Variants in UBA2 observed in about 807,000 individuals in gnomAD.
UBA2 encodes the protein SUMO-activating enzyme subunit 2.
A neutral mutation model predicts 77.2 loss-of-function variants in UBA2; 11 were observed. The ratio of observed to expected loss-of-function variants is 0.14; its 90% CI spans 0.09 to 0.24. The LOEUF is 0.24. Among genes scored for constraint, UBA2 ranks in the 10% least tolerant of loss-of-function variants. The probability of loss-of-function intolerance (pLI) is 1.00; values close to 1 mark genes in which losing one functional copy is unlikely to be tolerated. For missense variants in UBA2, 487 were observed against 781.7 expected, an observed-to-expected ratio of 0.62 and a Z score of 4.50; for synonymous variants, 278 against 276.7, an observed-to-expected ratio of 1.00 and a Z score of -0.05.
At chr19:34,434,806 C>T in intron 4 of UBA2, 62 bp from the exon 5 acceptor site, 1 of 1,278,864 alleles carries the variant, frequency 7.8e-7, no homozygotes. Context: ...TCTGTGTCAT[C>T]CTAATTAAAG....
In UBA2 at chr19:34,468,992, A is replaced by C. The variant is rs200936936; in HGVS notation, c.1742-48A>C. The C allele has an allele frequency of 4.4e-5, 67 of 1,508,342 alleles. No homozygotes were observed. In the East Asian group the frequency reaches 1.4e-3, roughly 31 times the overall value. 93.4% of individuals were successfully genotyped at this position (1,508,342 alleles called of 1,614,324 possible). A position where few individuals can be genotyped will look rare whatever the true frequency, so the allele number is the denominator to read the frequency against. On this transcript the variant is annotated intron_variant, in intron 16 of 16. Coordinates refer to ENST00000246548, the MANE Select transcript of UBA2 (RefSeq NM_005499.3). ...TAGAAAATACAGGTGAGCACAGGTAACTCCCACGCTTTTACCCATTTTCTT... is the reference window on the plus strand; with the variant it reads ...TAGAAAATACAGGTGAGCACAGGTACCTCCCACGCTTTTACCCATTTTCTT...
chr19:34,430,094 C>T (rs8103093), intron 1 of UBA2: 64,227 of 151,994 alleles, frequency 0.42, 16,486 homozygotes, highest in Non-Finnish European at 0.57. Flanking sequence ...TTCTTGTAGC[C>T]ACCAGGGTCT....
intron 12 of UBA2, among the ~76,000 whole-genome samples, chr19:34,456,106 C>CT (rs869130576): frequency 2.7e-5 from 2 of 73,628 alleles, no homozygotes; most frequent in East Asian, 3.2e-4. Flanking sequence ...TTTTCTTTTT[C>CT]TTTTTTTTTT....
At chr19:34,429,723 C>T (rs544380903) in intron 1 of UBA2, among the ~76,000 whole-genome samples, 5 of 152,052 alleles carry the variant, frequency 3.3e-5, no homozygotes, top group Admixed American at 6.5e-5. Context: ...GTGGTCCCAG[C>T]TACCCGGGAG....
chr19:34,429,575 C>CT (rs779298946), intron 1 of UBA2, among the ~76,000 whole-genome samples: 2 of 152,096 alleles, frequency 1.3e-5, no homozygotes, highest in Non-Finnish European at 2.9e-5. Flanking sequence ...TGGATGAAGG[C>CT]TTGAATTAAG....
At chr19:34,465,181 T>A (rs1221951397) in intron 15 of UBA2, among the ~76,000 whole-genome samples, 1 of 152,162 alleles carries the variant, frequency 6.6e-6, no homozygotes, top group Admixed American at 6.5e-5. Context: ...GTGCCTGACT[T>A]GAGATTTATG....
intron 8 of UBA2, 114 bp from the exon 9 acceptor site, chr19:34,450,149 ATG>A (rs2075476642): frequency 1.5e-6 from 1 of 676,022 alleles, no homozygotes; most frequent in Non-Finnish European, 2.5e-6. Context: ...CTGCTGGTAT[ATG>A]ACATGTATCT....
At chr19:34,453,517 C>CT (rs560242991) in intron 10 of UBA2, among the ~76,000 whole-genome samples, 7,737 of 127,274 alleles carry the variant, frequency 0.061, 271 homozygotes, top group Admixed American at 0.11. Context: ...AATGAAACAG[C>CT]TTTTTTTTTT....
chr19:34,435,080 A>G (rs1371393449), intron 5 of UBA2, 112 bp downstream of exon 5: 67 of 771,430 alleles, frequency 8.7e-5, no homozygotes, highest in Non-Finnish European at 1.7e-5. Flanking sequence ...TCCAAAATGT[A>G]AGGACTTTTA....
In UBA2 at chr19:34,444,493, T is replaced by C. The variant is rs543365931; in HGVS notation, c.650-507T>C. On this transcript the variant is annotated intron_variant, in intron 7 of 16. Transcript: ENST00000246548. ...GACTGGTCTGTGCTTTGAACTGTTATATGTGTAGCTTTCAGAAACTAAGTT... is the reference window on the plus strand; with the variant it reads ...GACTGGTCTGTGCTTTGAACTGTTACATGTGTAGCTTTCAGAAACTAAGTT... 5.6e-4 allele frequency among the ~76,000 whole-genome samples: 85 copies of C among 152,308 alleles called. 1 individual carries two copies. Among genetic ancestry groups the C allele is most frequent in the Middle Eastern group, 3.4e-3 (1 of 294 alleles).
At chr19:34,434,780 G>A in intron 4 of UBA2, 88 bp from the exon 5 acceptor site, 1 of 964,026 alleles carries the variant, frequency 1.0e-6, no homozygotes, top group Non-Finnish European at 1.6e-6. Flanking sequence ...AATGAAGCCA[G>A]TAAGATAGTT....
At chr19:34,441,041 A>G (rs2075363564) in intron 6 of UBA2, among the ~76,000 whole-genome samples, 1 of 152,174 alleles carries the variant, frequency 6.6e-6, no homozygotes, top group Non-Finnish European at 1.5e-5. Context: ...AAAATCTGTA[A>G]ATGTCATTCA....
rs947309120 is a variant in UBA2, at chr19:34,446,744, G to T, written c.771+1623G>T. Among the ~76,000 whole-genome samples, 12 of 152,136 alleles carry T rather than the reference G, an allele frequency of 7.9e-5. No individual in the cohort carries two copies. The Middle Eastern group carries it at 0.017, about 216-fold the overall frequency. ...CTGCCTCAGCCTCCTGAGTAGCTGG[G>T]ATTACAGGTCCGCCACTATGCCTGG... On this transcript the variant is annotated intron_variant, in intron 8 of 16. Coordinates refer to ENST00000246548, the MANE Select transcript of UBA2 (RefSeq NM_005499.3).
intron 8 of UBA2, among the ~76,000 whole-genome samples, chr19:34,449,379 T>C (rs1042989572): frequency 6.6e-6 from 1 of 152,184 alleles, no homozygotes; most frequent in African/African-American, 2.4e-5. Flanking sequence ...AAATCCTTAC[T>C]CAAGGCTTTG....
intron 6 of UBA2, among the ~76,000 whole-genome samples, chr19:34,441,919 T>G (rs1325677703): frequency 8.7e-6 from 1 of 114,660 alleles, no homozygotes; most frequent in South Asian, 3.0e-4. Context: ...AGACTGTGTC[T>G]CAGAAAAAGA....
At chr19:34,457,177 AAAATAT>A (rs1266548162) in intron 12 of UBA2, among the ~76,000 whole-genome samples, 6 of 68,506 alleles carry the variant, frequency 8.8e-5, no homozygotes, top group African/African-American at 5.0e-4. Flanking sequence ...AAAAAAAAAA[AAAATAT>A]ATATATATAT....
At chr19:34,458,558 CAAAAAAAAAAAAAAA>C (rs60349858) in intron 12 of UBA2, among the ~76,000 whole-genome samples, 196 bp from the exon 13 acceptor site, 23 of 60,640 alleles carry the variant, frequency 3.8e-4, no homozygotes, top group East Asian at 2.7e-3. Flanking sequence ...GACTCCGTCT[CAAAAAAAAAAAAAAA>C]AAAAAAAAAA....
chr19:34,451,148 A>G (rs1221669153), intron 9 of UBA2, among the ~76,000 whole-genome samples: 5 of 151,814 alleles, frequency 3.3e-5, no homozygotes, highest in East Asian at 1.9e-4. Context: ...ACTGTATGCA[A>G]CTGTGCCCAG....
intron 3 of UBA2, 107 bp from the exon 4 acceptor site, chr19:34,433,241 C>G: frequency 1.3e-6 from 1 of 742,990 alleles, no homozygotes; most frequent in Non-Finnish European, 2.3e-6. Flanking sequence ...ATCCTGATAT[C>G]AGTTTTGTTT....
Sources: gnomAD v4.1 joint callset for allele counts (sites outside exome capture counted in the v4.1 genomes callset) on GRCh38, gnomAD v4.1.1 for gene constraint, MANE v1.5 for transcripts, NCBI Gene and HGNC (gene_info 2026-07-23, HGNC 2026-07-21) for gene names.